HYDIN: variants seen among roughly 807,000 people sequenced by gnomAD.
The protein encoded by HYDIN is HYDIN axonemal central pair apparatus protein.
A neutral mutation model predicts 403.9 loss-of-function variants in HYDIN; 132 were observed. That is an observed-to-expected ratio of 0.33 (90% CI 0.28 to 0.38). HYDIN has a LOEUF of 0.38. Among genes scored for constraint, HYDIN ranks in the 10% least tolerant of loss-of-function variants. HYDIN has a pLI of 1.00. For missense variants in HYDIN, 2,827 were observed against 5,009.5 expected, an observed-to-expected ratio of 0.56 and a Z score of 13.15; for synonymous variants, 1,202 against 1,891.7, an observed-to-expected ratio of 0.64 and a Z score of 9.46.
rs576368366 is a variant in HYDIN at position 71,130,156 on chromosome 16, T to G, written c.1044-333A>C. On this transcript the variant is annotated intron_variant, in intron 8 of 85. Transcript: ENST00000393567. ...TTTTCCAGGCTGCTTTTTAAATATT[T>G]AACATCTATTCTGCCCCTCACATGG... Among the ~76,000 whole-genome samples, 11 of 152,392 alleles carry G rather than the reference T, an allele frequency of 7.2e-5. No individual in the cohort carries two copies. In the East Asian group the frequency reaches 2.1e-3, roughly 29 times the overall value.
chr16:71,183,836 GGAGA>G lies in HYDIN; in HGVS notation c.261+1025_261+1028del, dbSNP rs764936417. Among the ~76,000 whole-genome samples, 9 of 152,054 alleles carry G rather than the reference GGAGA, an allele frequency of 5.9e-5. No individual in the cohort carries two copies. In the South Asian group the frequency reaches 1.0e-3, roughly 18 times the overall value. ...ATAACCAACTGAATTAAAGAGGAGA[GGAGA>G]GAAAGTGTAAAGTATCTGATTTCCT... On this transcript the variant is annotated intron_variant, in intron 3 of 85. Coordinates refer to ENST00000393567, the MANE Select transcript of HYDIN (RefSeq NM_001270974.2).
At chr16:70,811,022 G>A (rs1204030124) in intron 84 of HYDIN, among the ~76,000 whole-genome samples, 2 of 152,188 alleles carry the variant, frequency 1.3e-5, no homozygotes, top group Non-Finnish European at 2.9e-5. Flanking sequence ...CAGTAGTTAT[G>A]TTAGGGTGGG....
chr16:70,955,450 T>C lies in HYDIN; in HGVS notation c.6241A>G (p.Ile2081Val). The change falls in exon 40 of 86, where the codon ATC becomes GTC. Residue 2081 changes from isoleucine (I) to valine (V), a missense_variant. Transcript: ENST00000393567. Reference protein sequence around the residue: ...VLEAVANSNNIPGIRARELCI... With the variant: ...VLEAVANSNNVPGIRARELCI... ...AGCTCACGGGCCCGGATCCCTGGGATGTTGTTGCTGTTGGCCACAGCTTCC... is the reference window on the plus strand; with the variant it reads ...AGCTCACGGGCCCGGATCCCTGGGACGTTGTTGCTGTTGGCCACAGCTTCC... The C allele has an allele frequency of 1.2e-6, 2 of 1,614,030 alleles. No individual in the cohort carries two copies. Among genetic ancestry groups the C allele is most frequent in the South Asian group, 1.1e-5 (1 of 91,064 alleles).
chr16:71,051,231 G>T (rs937771201), intron 18 of HYDIN, among the ~76,000 whole-genome samples: 7 of 152,078 alleles, frequency 4.6e-5, no homozygotes, highest in Non-Finnish European at 7.4e-5. Flanking sequence ...TAATCATCTG[G>T]ATAGACACAG....
intron 12 of HYDIN, among the ~76,000 whole-genome samples, chr16:71,085,471 G>A (rs936027744): frequency 5.4e-5 from 8 of 148,474 alleles, no homozygotes; most frequent in African/African-American, 2.0e-4. Context: ...GTAGATGTCT[G>A]TTAGGTCTAG....
At chr16:71,061,489 C>T (rs967875754) in intron 17 of HYDIN, among the ~76,000 whole-genome samples, 3 of 152,252 alleles carry the variant, frequency 2.0e-5, no homozygotes, top group African/African-American at 7.2e-5. Flanking sequence ...CTGTAGGATT[C>T]GATGTTTATC....
chr16:71,029,980 C>T (rs558348074), intron 19 of HYDIN, among the ~76,000 whole-genome samples: 94 of 152,292 alleles, frequency 6.2e-4, no homozygotes, highest in Non-Finnish European at 1.2e-3. Context: ...GTGATGGCGA[C>T]ATGACTCTCC....
chr16:71,156,095 A>C lies in HYDIN; in HGVS notation c.717-3312T>G, dbSNP rs201648597. ...TTATTTTCAAATATTTCTTGGTAGC[A>C]AAAGAATAGTTTTAAAATGAATTGG... On this transcript the variant is annotated intron_variant, in intron 6 of 85. Coordinates refer to ENST00000393567, the MANE Select transcript of HYDIN (RefSeq NM_001270974.2). Among the ~76,000 whole-genome samples, 76 of 148,720 alleles carry C rather than the reference A, an allele frequency of 5.1e-4. 1 individual carries two copies. The East Asian group carries it at 0.014, about 27-fold the overall frequency.
rs2082113770 is a variant in HYDIN, at chr16:71,062,224, C to T, written c.2321G>A (p.Gly774Glu). The T allele has an allele frequency of 2.0e-6, 3 of 1,512,272 alleles. No individual in the cohort carries two copies. The East Asian group carries it at 6.9e-5, about 35-fold the overall frequency. 93.7% of individuals were successfully genotyped at this position (1,512,272 alleles called of 1,614,324 possible). The change falls in exon 17 of 86, where the codon GGA becomes GAA. Residue 774 changes from glycine (G) to glutamate (E), a missense_variant. Transcript: ENST00000393567. ...GATGTAAACCGTGGATCTGTGTTCTCCAGTGACCTGGGTCTCCAGGACCAG... is the reference window on the plus strand; with the variant it reads ...GATGTAAACCGTGGATCTGTGTTCTTCAGTGACCTGGGTCTCCAGGACCAG... Reference protein sequence around the residue: ...IPLVLETQVTGEHRSTVYISI... With the variant: ...IPLVLETQVTEEHRSTVYISI...
rs549545269 is a variant in HYDIN at position 71,143,715 on chromosome 16, T to C, written c.842-6363A>G. On this transcript the variant is annotated intron_variant, in intron 7 of 85. Transcript: ENST00000393567. ...CTGCATAGATATTAATAGATTCAGA[T>C]AGATATTATTTAGCATTTTCAACTG... is the stretch of plus-strand genomic sequence containing the variant. Among the ~76,000 whole-genome samples, 19 of 152,404 alleles carry C rather than the reference T, an allele frequency of 1.2e-4. No homozygotes were observed. In the South Asian group the frequency reaches 3.9e-3, roughly 32 times the overall value.
chr16:71,098,197 TTC>T (rs1378588075), intron 10 of HYDIN, among the ~76,000 whole-genome samples: 1 of 135,214 alleles, frequency 7.4e-6, no homozygotes, highest in Non-Finnish European at 1.5e-5. Context: ...AGATAAAACT[TTC>T]TTTCTTTTTT....
chr16:71,113,359 T>C (rs976131706), intron 10 of HYDIN: 18 of 151,190 alleles, frequency 1.2e-4, no homozygotes, highest in Non-Finnish European at 2.1e-4. Context: ...TCTACATGTT[T>C]TACTTATTTA....
chr16:71,085,137 C>CTTTTCA (rs1432488834), intron 12 of HYDIN, among the ~76,000 whole-genome samples: 5 of 94,680 alleles, frequency 5.3e-5, no homozygotes, highest in Non-Finnish European at 1.0e-4. Context: ...AAAGTGTTCC[C>CTTTTCA]ACCTTCTTAT....
intron 1 of HYDIN, among the ~76,000 whole-genome samples, chr16:71,217,049 T>C (rs2088918724): frequency 6.6e-6 from 1 of 152,248 alleles, no homozygotes; most frequent in South Asian, 2.1e-4. Flanking sequence ...AGGTACCTTT[T>C]GGACAGGTTC....
At chr16:71,224,256 C>T (rs967687568) in intron 1 of HYDIN, among the ~76,000 whole-genome samples, 1 of 152,146 alleles carries the variant, frequency 6.6e-6, no homozygotes, top group African/African-American at 2.4e-5. Context: ...GATGCAAAGA[C>T]ATACAGAGTG....
chr16:70,821,915 A>G (rs1008229209), intron 83 of HYDIN, among the ~76,000 whole-genome samples: 3 of 152,146 alleles, frequency 2.0e-5, no homozygotes, highest in Admixed American at 6.6e-5. Context: ...TGCTCAGAAA[A>G]TAGATTTCTT....
Position 70,807,878 on chromosome 16 carries a change from G to C in HYDIN, c.15068C>G (p.Pro5023Arg). ...YIIPLFGMAL[P>R]PKPQGPFSIR... ...CGAGAAGGGACCTTGGGGCTTGGGA[G>C]GCAGAGCCATTCCAAAGAGGGGGAT... Residue 5023 changes from proline to arginine, a missense_variant, in exon 86 of 86, where the codon CCT (proline) becomes CGT (arginine). Coordinates refer to ENST00000393567, the MANE Select transcript of HYDIN (RefSeq NM_001270974.2). 1 of 1,614,174 alleles carries C rather than the reference G, an allele frequency of 6.2e-7. No individual in the cohort carries two copies. Among genetic ancestry groups the C allele is most frequent in the Non-Finnish European group, 8.5e-7 (1 of 1,180,014 alleles).
intron 47 of HYDIN, among the ~76,000 whole-genome samples, chr16:70,916,363 G>T (rs113697479): frequency 6.6e-6 from 1 of 152,122 alleles, no homozygotes; most frequent in South Asian, 2.1e-4. Context: ...TCTCTAAATT[G>T]ACTCAGCTCC....
intron 83 of HYDIN, among the ~76,000 whole-genome samples, chr16:70,819,007 G>A (rs754922659): frequency 5.9e-5 from 9 of 151,526 alleles, no homozygotes; most frequent in Admixed American, 1.3e-4. Flanking sequence ...CCCACCTTCC[G>A]GGTTCAAGTG....
Sources: gnomAD v4.1 joint callset for allele counts (sites outside exome capture counted in the v4.1 genomes callset) on GRCh38, gnomAD v4.1.1 for gene constraint, MANE v1.5 for transcripts, NCBI Gene and HGNC (gene_info 2026-07-23, HGNC 2026-07-21) for gene names.